Variants in OLFM3 observed in about 807,000 individuals in gnomAD.
OLFM3 encodes noelin-3.
OLFM3 carries 20 observed loss-of-function variants against 48.6 expected under a neutral mutation model. The observed-to-expected ratio is 0.41, with a 90% CI of 0.29 to 0.60. OLFM3 has a LOEUF of 0.60. Among genes scored for constraint, OLFM3 ranks in the 20% least tolerant of loss-of-function variants. OLFM3 has a pLI of 0.28. For synonymous variants in OLFM3, 222 were observed against 198.1 expected (o/e 1.12, Z -1.01); for missense variants, 437 against 544.3 (o/e 0.80, Z 1.96).
intron 1 of OLFM3, among the ~76,000 whole-genome samples, chr1:101,880,434 C>CTT (rs200626948): frequency 6.6e-6 from 1 of 151,566 alleles, no homozygotes; most frequent in Non-Finnish European, 1.5e-5. Flanking sequence ...CTCTTTAAAT[C>CTT]TTTTTTTTAA....
chr1:101,950,042 A>AG (rs1557742710), intron 1 of OLFM3, among the ~76,000 whole-genome samples: 8 of 151,678 alleles, frequency 5.3e-5, no homozygotes, highest in African/African-American at 1.9e-4. Context: ...AAAAAAAAAA[A>AG]AAAAAAGAAA....
At chr1:101,883,321 A>G (rs1193628515) in intron 1 of OLFM3, among the ~76,000 whole-genome samples, 1 of 150,272 alleles carries the variant, frequency 6.7e-6, no homozygotes, top group Non-Finnish European at 1.5e-5. Context: ...ACACATATAT[A>G]CAATTTATAT....
chr1:101,808,729 C>T (rs1653903034), intron 4 of OLFM3, among the ~76,000 whole-genome samples: 1 of 151,742 alleles, frequency 6.6e-6, no homozygotes, highest in African/African-American at 2.4e-5. Flanking sequence ...ACTGCCAAGC[C>T]CTATCTTAAT....
chr1:101,889,514 A>AG (rs1002747628), intron 1 of OLFM3, among the ~76,000 whole-genome samples: 1 of 152,060 alleles, frequency 6.6e-6, no homozygotes, highest in Non-Finnish European at 1.5e-5. Context: ...GAGTGGGTCA[A>AG]GGGGGGAGGG....
chr1:101,864,192 T>C (rs967420791), intron 1 of OLFM3, among the ~76,000 whole-genome samples: 42 of 152,260 alleles, frequency 2.8e-4, no homozygotes, highest in African/African-American at 9.6e-4. Flanking sequence ...TTCTGGTTCA[T>C]ATCCTTTTTT....
At chr1:101,863,746 T>C (rs1351145345) in intron 1 of OLFM3, among the ~76,000 whole-genome samples, 1 of 152,220 alleles carries the variant, frequency 6.6e-6, no homozygotes, top group Non-Finnish European at 1.5e-5. Flanking sequence ...AAAATATTTT[T>C]ATTCTAAGCC....
At chr1:101,962,133 G>A (rs191193227) in intron 1 of OLFM3, among the ~76,000 whole-genome samples, 1 of 152,252 alleles carries the variant, frequency 6.6e-6, no homozygotes, top group East Asian at 1.9e-4. Flanking sequence ...TTAGTTATCA[G>A]CACCTTTTTC....
At chr1:101,932,105 T>C (rs1262607996) in intron 1 of OLFM3, among the ~76,000 whole-genome samples, 1 of 152,202 alleles carries the variant, frequency 6.6e-6, no homozygotes, top group Non-Finnish European at 1.5e-5. Context: ...CCTGCTATAC[T>C]GTAAGGCTTT....
intron 1 of OLFM3, among the ~76,000 whole-genome samples, chr1:101,880,952 A>G (rs892082920): frequency 1.3e-5 from 2 of 151,924 alleles, no homozygotes; most frequent in Non-Finnish European, 2.9e-5. Flanking sequence ...AAGCATTACC[A>G]CATGGTAGAG....
intron 1 of OLFM3, among the ~76,000 whole-genome samples, chr1:101,968,070 A>G (rs1239487904): frequency 1.3e-5 from 2 of 152,174 alleles, no homozygotes; most frequent in Non-Finnish European, 2.9e-5. Flanking sequence ...TCCATGATGC[A>G]TTGGTTTTAA....
intron 4 of OLFM3, among the ~76,000 whole-genome samples, chr1:101,808,565 GA>G (rs1157801446): frequency 2.0e-5 from 3 of 151,772 alleles, no homozygotes; most frequent in African/African-American, 7.3e-5. Flanking sequence ...TTCATCTGTA[GA>G]TGCGGGACTG....
intron 4 of OLFM3, among the ~76,000 whole-genome samples, chr1:101,809,467 TA>T (rs1275685280): frequency 6.6e-6 from 1 of 151,902 alleles, no homozygotes; most frequent in Non-Finnish European, 1.5e-5. Flanking sequence ...AGAATAAAGA[TA>T]TTTTTTAACA....
chr1:101,949,878 C>T (rs1315964567), intron 1 of OLFM3, among the ~76,000 whole-genome samples: 4 of 145,458 alleles, frequency 2.7e-5, no homozygotes, highest in East Asian at 2.0e-4. Flanking sequence ...TGCAGTGAGC[C>T]GAGATCGCGC....
At chr1:101,975,095 A>G (rs1660915737) in intron 1 of OLFM3, among the ~76,000 whole-genome samples, 1 of 152,226 alleles carries the variant, frequency 6.6e-6, no homozygotes, top group Non-Finnish European at 1.5e-5. Flanking sequence ...AGTAAATCAT[A>G]TAATTATCCC....
intron 1 of OLFM3, among the ~76,000 whole-genome samples, chr1:101,966,951 C>T (rs1660630654): frequency 6.6e-6 from 1 of 152,112 alleles, no homozygotes; most frequent in Non-Finnish European, 1.5e-5. Flanking sequence ...TTCTGAATAT[C>T]TACTATAGAA....
intron 1 of OLFM3, among the ~76,000 whole-genome samples, chr1:101,973,958 C>A (rs1660879146): frequency 6.6e-6 from 1 of 151,590 alleles, no homozygotes; most frequent in African/African-American, 2.4e-5. Flanking sequence ...TAGCTTAGAC[C>A]ATCCACCCTT....
intron 1 of OLFM3, among the ~76,000 whole-genome samples, chr1:101,906,437 A>G (rs1040233927): frequency 4.6e-5 from 7 of 152,092 alleles, no homozygotes; most frequent in African/African-American, 1.4e-4. Context: ...CTTAGAAATA[A>G]TTTATTTTAA....
intron 1 of OLFM3, among the ~76,000 whole-genome samples, chr1:101,950,402 C>T (rs530687574): frequency 6.6e-6 from 1 of 152,130 alleles, no homozygotes; most frequent in East Asian, 1.9e-4. Flanking sequence ...TCTCACCTTA[C>T]CACACCCATA....
chr1:101,890,941 C>T (rs995139229), intron 1 of OLFM3, among the ~76,000 whole-genome samples: 5 of 151,862 alleles, frequency 3.3e-5, no homozygotes, highest in African/African-American at 9.7e-5. Flanking sequence ...CAAATATTTC[C>T]ACTTTTCCGC....
Sources: allele counts gnomAD v4.1 joint callset (sites outside exome capture counted in the v4.1 genomes callset), GRCh38; gene constraint gnomAD v4.1.1; transcripts MANE v1.5; gene names NCBI Gene and HGNC (gene_info 2026-07-23, HGNC 2026-07-21).